Variants in KCNIP4 observed in about 807,000 individuals in gnomAD.
KCNIP4 encodes the protein potassium voltage-gated channel interacting protein 4.
Under a neutral mutation model 34.0 loss-of-function variants are expected in KCNIP4, and 12 were observed. The ratio of observed to expected loss-of-function variants is 0.35; its 90% CI spans 0.23 to 0.57. KCNIP4 has a LOEUF of 0.57. KCNIP4 is among the 20% of genes least tolerant of loss of function. The pLI, the probability that KCNIP4 is intolerant of heterozygous loss-of-function variation, is 0.83. For missense variants in KCNIP4, 238 were observed against 311.7 expected (o/e 0.76, Z 1.78); for synonymous variants, 124 against 102.2 (o/e 1.21, Z -1.29).
intron 1 of KCNIP4, among the ~76,000 whole-genome samples, chr4:21,717,350 T>C (rs561245976): frequency 1.3e-5 from 2 of 152,282 alleles, no homozygotes; most frequent in East Asian, 3.9e-4. Flanking sequence ...GTGACTCAGA[T>C]TTTACACATG....
chr4:21,073,613 T>C (rs1166104878), intron 1 of KCNIP4, among the ~76,000 whole-genome samples: 2 of 152,282 alleles, frequency 1.3e-5, no homozygotes, highest in East Asian at 1.9e-4. Flanking sequence ...CTTTTCCTAA[T>C]TGAATACCCT....
Position 21,247,936 on chromosome 4 carries a change from C to CATAT in KCNIP4, c.62-365231_62-365228dup, listed in dbSNP as rs201314507. On this transcript the variant is annotated intron_variant, in intron 1 of 8. Coordinates refer to ENST00000382152, the MANE Select transcript of KCNIP4 (RefSeq NM_025221.6). ...ACACACACACATATATATATACACACATATATATATACACACACATATATA... is the reference window on the plus strand; with the variant it reads ...ACACACACACATATATATATACACACATATATATATATATACACACACATATATA... Among the ~76,000 whole-genome samples, 8 of 133,542 alleles carry CATAT rather than the reference C, an allele frequency of 6.0e-5. No individual in the cohort carries two copies. The East Asian group carries it at 1.5e-3, about 25-fold the overall frequency. 87.6% of individuals were successfully genotyped at this position (133,542 alleles called of 152,430 possible).
At chr4:21,095,430 G>C (rs757997792) in intron 1 of KCNIP4, among the ~76,000 whole-genome samples, 2 of 151,832 alleles carry the variant, frequency 1.3e-5, no homozygotes, top group African/African-American at 4.8e-5. Context: ...TTTTTTGCCC[G>C]TCTCATTCTT....
chr4:20,790,495 A>G (rs1290029381), intron 3 of KCNIP4, among the ~76,000 whole-genome samples: 3 of 152,162 alleles, frequency 2.0e-5, no homozygotes, highest in South Asian at 2.1e-4. Flanking sequence ...CTTAAAACAC[A>G]TTGTACAGTT....
At chr4:21,446,132 T>C (rs570314157) in intron 1 of KCNIP4, among the ~76,000 whole-genome samples, 149 of 152,250 alleles carry the variant, frequency 9.8e-4, no homozygotes, top group African/African-American at 3.2e-3. Flanking sequence ...CAACAGGTGC[T>C]GGAGAGGATG....
chr4:20,814,105 G>A (rs922758972), intron 3 of KCNIP4, among the ~76,000 whole-genome samples: 1 of 152,138 alleles, frequency 6.6e-6, no homozygotes, highest in African/African-American at 2.4e-5. Flanking sequence ...ACATCGTATG[G>A]TGCTGGGAAG....
intron 1 of KCNIP4, among the ~76,000 whole-genome samples, chr4:21,861,100 T>C (rs111651829): frequency 0.011 from 1,601 of 152,318 alleles, 27 homozygotes; most frequent in African/African-American, 0.037. Flanking sequence ...TTATTCAAGG[T>C]GTAACATCCT....
chr4:21,401,288 C>T (rs74808541), intron 1 of KCNIP4, among the ~76,000 whole-genome samples: 1,794 of 152,296 alleles, frequency 0.012, 18 homozygotes, highest in Non-Finnish European at 0.018. Flanking sequence ...CTCCATCAGT[C>T]TAGAATAATC....
intron 1 of KCNIP4, among the ~76,000 whole-genome samples, chr4:21,278,797 G>T (rs1013757007): frequency 3.3e-5 from 5 of 152,158 alleles, no homozygotes; most frequent in African/African-American, 1.2e-4. Flanking sequence ...AATTGAAATT[G>T]GCAAATTATA....
chr4:20,866,001 T>C (rs1722840480), intron 2 of KCNIP4, among the ~76,000 whole-genome samples: 1 of 151,974 alleles, frequency 6.6e-6, no homozygotes, highest in Non-Finnish European at 1.5e-5. Flanking sequence ...CTTCTGAAAT[T>C]GAGTCAGTAA....
At chr4:21,712,163 G>C (rs187001500) in intron 1 of KCNIP4, among the ~76,000 whole-genome samples, 2 of 151,972 alleles carry the variant, frequency 1.3e-5, no homozygotes, top group Non-Finnish European at 2.9e-5. Context: ...CACTTACTTA[G>C]AGCAATAATA....
chr4:21,880,152 A>G lies in KCNIP4; in HGVS notation c.61+68419T>C, dbSNP rs541199961. On this transcript the variant is annotated intron_variant, in intron 1 of 8. Transcript: ENST00000382152. Reference sequence around the variant, plus strand: ...TGACTGTCTTGCTTTTTAAGGAGATATGGCATGGGGAGACTTTTGTCATGC... The same window carrying G: ...TGACTGTCTTGCTTTTTAAGGAGATGTGGCATGGGGAGACTTTTGTCATGC... Among the ~76,000 whole-genome samples the G allele has an allele frequency of 3.9e-5, 6 of 152,312 alleles. No individual in the cohort carries two copies. The East Asian group carries it at 1.2e-3, about 29-fold the overall frequency.
chr4:21,743,520 T>G (rs762983998), intron 1 of KCNIP4, among the ~76,000 whole-genome samples: 1 of 151,850 alleles, frequency 6.6e-6, no homozygotes, highest in South Asian at 2.1e-4. Context: ...TCTTTTACCA[T>G]GTACAGTAAT....
chr4:20,943,577 G>A (rs568714455), intron 1 of KCNIP4, among the ~76,000 whole-genome samples: 7 of 152,252 alleles, frequency 4.6e-5, no homozygotes, highest in African/African-American at 1.7e-4. Context: ...AATAATCCCA[G>A]GATGGATGGC....
At chr4:20,868,996 G>A (rs1026118365) in intron 2 of KCNIP4, among the ~76,000 whole-genome samples, 12 of 152,040 alleles carry the variant, frequency 7.9e-5, no homozygotes, top group Non-Finnish European at 5.9e-5. Context: ...GAACATTACT[G>A]TAAAGAGATA....
At chr4:20,783,946 A>T (rs1200515935) in intron 3 of KCNIP4, among the ~76,000 whole-genome samples, 3 of 152,164 alleles carry the variant, frequency 2.0e-5, no homozygotes, top group Non-Finnish European at 4.4e-5. Flanking sequence ...GGCACTGGGT[A>T]GGCTCTGAGA....
chr4:20,950,976 GC>G (rs140095283), intron 1 of KCNIP4, among the ~76,000 whole-genome samples: 7 of 152,168 alleles, frequency 4.6e-5, no homozygotes, highest in Non-Finnish European at 8.8e-5. Context: ...TGAAGCCCTA[GC>G]CCCCAGTGTG....
At chr4:21,516,161 T>A (rs754379734) in intron 1 of KCNIP4, among the ~76,000 whole-genome samples, 2 of 152,046 alleles carry the variant, frequency 1.3e-5, no homozygotes, top group South Asian at 4.1e-4. Context: ...GAAGCAAGGG[T>A]GTAGGTAAGG....
At chr4:21,316,972 A>T (rs10034167) in intron 1 of KCNIP4, among the ~76,000 whole-genome samples, 84 of 152,236 alleles carry the variant, frequency 5.5e-4, no homozygotes, top group African/African-American at 2.0e-3. Flanking sequence ...TATAATATAT[A>T]TTCCATTTCT....
Sources: gnomAD v4.1 joint callset for allele counts (sites outside exome capture counted in the v4.1 genomes callset) on GRCh38, gnomAD v4.1.1 for gene constraint, MANE v1.5 for transcripts, NCBI Gene and HGNC (gene_info 2026-07-23, HGNC 2026-07-21) for gene names.